ATP9B: variants seen among roughly 807,000 people sequenced by gnomAD.
ATP9B encodes the protein ATPase phospholipid transporting 9B, also known as probable phospholipid-transporting ATPase IIB.
A neutral mutation model predicts 146.1 loss-of-function variants in ATP9B; 110 were observed. The observed-to-expected ratio is 0.75, with a 90% confidence interval of 0.65 to 0.88. The LOEUF (loss-of-function observed/expected upper bound fraction) is 0.88. Among genes scored for constraint, ATP9B ranks in the 40% least tolerant of loss-of-function variants. The pLI, the probability that ATP9B is intolerant of heterozygous loss-of-function variation, is 0.00. For missense variants in ATP9B, 1,499 were observed against 1,496.4 expected (o/e 1.00, Z -0.03); for synonymous variants, 604 against 569.7 (o/e 1.06, Z -0.86).
intron 7 of ATP9B, among the ~76,000 whole-genome samples, chr18:79,176,402 A>G (rs1463337384): frequency 6.6e-6 from 1 of 152,186 alleles, no homozygotes; most frequent in Non-Finnish European, 1.5e-5. Flanking sequence ...ATTTTTTATG[A>G]CGGTAAATCT....
chr18:79,248,521 G>A (rs1180502729), intron 11 of ATP9B, among the ~76,000 whole-genome samples: 4 of 152,134 alleles, frequency 2.6e-5, no homozygotes, highest in African/African-American at 9.7e-5. Context: ...GTCCAAATTC[G>A]AAATGAAGAA....
chr18:79,103,236 A>G (rs2075407915), intron 2 of ATP9B, among the ~76,000 whole-genome samples: 1 of 146,018 alleles, frequency 6.8e-6, no homozygotes, highest in Non-Finnish European at 1.5e-5. Flanking sequence ...TTTTAAAGAT[A>G]TTACTTAACT....
intron 12 of ATP9B, among the ~76,000 whole-genome samples, chr18:79,260,559 G>T (rs1212553935): frequency 6.6e-6 from 1 of 152,168 alleles, no homozygotes; most frequent in African/African-American, 2.4e-5. Flanking sequence ...TGATAGTGTG[G>T]ACTCTCAGGA....
At chr18:79,206,209 G>A (rs1228770652) in intron 9 of ATP9B, among the ~76,000 whole-genome samples, 3 of 151,992 alleles carry the variant, frequency 2.0e-5, no homozygotes, top group Admixed American at 2.0e-4. Flanking sequence ...CAAAGTGCTG[G>A]GATTACAGGC....
chr18:79,139,423 G>A (rs529473574), intron 5 of ATP9B, among the ~76,000 whole-genome samples: 1 of 152,294 alleles, frequency 6.6e-6, no homozygotes, highest in Admixed American at 6.5e-5. Flanking sequence ...CTCCCTCCTT[G>A]TGCTGCGGTG....
intron 10 of ATP9B, among the ~76,000 whole-genome samples, chr18:79,212,694 A>T (rs989815073): frequency 6.6e-6 from 1 of 152,154 alleles, no homozygotes; most frequent in African/African-American, 2.4e-5. Flanking sequence ...TTTTTATAGT[A>T]TTGTATTATA....
chr18:79,341,316 G>C lies in ATP9B; in HGVS notation c.2284-952G>C, dbSNP rs377101612. Among the ~76,000 whole-genome samples the C allele has an allele frequency of 1.6e-3, 226 of 139,736 alleles. 1 individual carries two copies. Among genetic ancestry groups the C allele is most frequent in the African/African-American group, 3.0e-3 (112 of 37,306 alleles). 91.7% of individuals were successfully genotyped at this position (139,736 alleles called of 152,430 possible). On this transcript the variant is annotated intron_variant, in intron 19 of 29. Transcript: ENST00000426216. ...ACACACCATTTAGTTGTGGTTGGAT[G>C]TGTGTAGCGTGACCTCGTCGAAGTC...
intron 26 of ATP9B, chr18:79,364,265 C>CAA (rs950562390): frequency 5.3e-5 from 5 of 95,124 alleles, no homozygotes; most frequent in Admixed American, 1.2e-4. Flanking sequence ...AACTCCGTCT[C>CAA]AAAAAAAAAA....
intron 7 of ATP9B, among the ~76,000 whole-genome samples, chr18:79,155,978 G>A (rs1266976894): frequency 2.1e-4 from 32 of 151,832 alleles, no homozygotes; most frequent in Non-Finnish European, 8.8e-5. Flanking sequence ...TAGCCAGGAT[G>A]GTCTCGATCT....
At chr18:79,255,784 G>C (rs187099216) in intron 12 of ATP9B, among the ~76,000 whole-genome samples, 125 of 152,316 alleles carry the variant, frequency 8.2e-4, no homozygotes, top group Admixed American at 7.2e-4. Flanking sequence ...GCATGTTTGT[G>C]CCAGCTTGAG....
intron 2 of ATP9B, among the ~76,000 whole-genome samples, chr18:79,109,463 C>G (rs1204899963): frequency 4.6e-5 from 7 of 151,644 alleles, no homozygotes; most frequent in Non-Finnish European, 1.0e-4. Context: ...ATATTTACTG[C>G]ATAGATGAAG....
At chr18:79,167,569 G>T (rs138612156) in intron 7 of ATP9B, among the ~76,000 whole-genome samples, 151 of 152,326 alleles carry the variant, frequency 9.9e-4, no homozygotes, top group Non-Finnish European at 1.6e-3. Flanking sequence ...GGGACCCGGA[G>T]TGGGTAGCTC....
At chr18:79,139,639 G>T (rs1237822769) in intron 5 of ATP9B, among the ~76,000 whole-genome samples, 1 of 152,146 alleles carries the variant, frequency 6.6e-6, no homozygotes, top group Admixed American at 6.5e-5. Flanking sequence ...AGGGTAAATG[G>T]GGTATCCATC....
At chr18:79,264,830 G>C (rs1259859240) in intron 12 of ATP9B, among the ~76,000 whole-genome samples, 1 of 152,076 alleles carries the variant, frequency 6.6e-6, no homozygotes, top group Non-Finnish European at 1.5e-5. Context: ...GGCCTGTTTT[G>C]GTTACCTGTT....
chr18:79,206,092 C>G (rs1363167218), intron 9 of ATP9B, among the ~76,000 whole-genome samples: 1 of 152,092 alleles, frequency 6.6e-6, no homozygotes, highest in African/African-American at 2.4e-5. Flanking sequence ...AGGTGCCCGC[C>G]ACCATGCCCA....
chr18:79,200,785 T>TG lies in ATP9B; in HGVS notation c.955-6150dup, dbSNP rs1345023937. 8.1e-4 allele frequency among the ~76,000 whole-genome samples: 11 copies of TG among 13,530 alleles called. No homozygotes were observed. In the East Asian group the frequency reaches 0.019, roughly 24 times the overall value. The allele number at this position is 13,530 out of a possible 152,430, so 8.9% of individuals were successfully genotyped here. On this transcript the variant is annotated intron_variant, in intron 9 of 29. Coordinates refer to ENST00000426216, the MANE Select transcript of ATP9B (RefSeq NM_198531.5). ...AACGTTGGGGTCAGAGCAGAAGTAGTGGTGGAATTGTTTTCATCAGAATAG... is the reference window on the plus strand; with the variant it reads ...AACGTTGGGGTCAGAGCAGAAGTAGTGGGTGGAATTGTTTTCATCAGAATAG...
intron 7 of ATP9B, among the ~76,000 whole-genome samples, chr18:79,175,786 G>A (rs2095157310): frequency 6.6e-6 from 1 of 151,834 alleles, no homozygotes; most frequent in South Asian, 2.1e-4. Context: ...ACACAGATAC[G>A]CTTGTGCACA....
chr18:79,127,667 G>C (rs141246521), intron 5 of ATP9B, among the ~76,000 whole-genome samples: 118 of 152,264 alleles, frequency 7.7e-4, no homozygotes, highest in Non-Finnish European at 1.3e-3. Context: ...TGCAGCTATG[G>C]ACATTTGTGT....
chr18:79,364,272 AAAAAAAAAGAAAAG>A (rs1282572152), intron 26 of ATP9B: 4 of 151,998 alleles, frequency 2.6e-5, no homozygotes, highest in Admixed American at 2.6e-4. Flanking sequence ...TCTCAAAAAA[AAAAAAAAAGAAAAG>A]AAAAAAAAGA....
Sources: gnomAD v4.1 joint callset for allele counts (sites outside exome capture counted in the v4.1 genomes callset) on GRCh38, gnomAD v4.1.1 for gene constraint, MANE v1.5 for transcripts, NCBI Gene and HGNC (gene_info 2026-07-23, HGNC 2026-07-21) for gene names.